Variants in TBC1D5 observed in about 807,000 individuals in gnomAD.
TBC1D5 encodes the protein TBC1 domain family, member 5.
In TBC1D5, 75 loss-of-function variants were observed where a neutral mutation model predicts 100.3. The observed-to-expected ratio is 0.75, with a 90% CI of 0.62 to 0.91. TBC1D5 has a LOEUF of 0.91. Among genes scored for constraint, TBC1D5 ranks in the 40% least tolerant of loss-of-function variants. The pLI is 0.00. For missense variants in TBC1D5, 910 were observed against 942.4 expected, an observed-to-expected ratio of 0.97 and a Z score of 0.45; for synonymous variants, 323 against 325.6, an observed-to-expected ratio of 0.99 and a Z score of 0.09.
At chr3:17,239,297 C>T (rs981971388) in intron 16 of TBC1D5, among the ~76,000 whole-genome samples, 1 of 152,134 alleles carries the variant, frequency 6.6e-6, no homozygotes, top group Non-Finnish European at 1.5e-5. Flanking sequence ...TGCTTTGAAT[C>T]CCATTTCCTC....
intron 8 of TBC1D5, among the ~76,000 whole-genome samples, chr3:17,393,118 G>C (rs899924333): frequency 6.7e-6 from 1 of 149,152 alleles, no homozygotes; most frequent in Non-Finnish European, 1.5e-5. Context: ...TGATGATGAG[G>C]TTTTTTTTTT....
At chr3:17,679,147 A>G (rs1221358761) in intron 1 of TBC1D5, among the ~76,000 whole-genome samples, 1 of 151,096 alleles carries the variant, frequency 6.6e-6, no homozygotes, top group African/African-American at 2.5e-5. Context: ...ATCTCTGAGG[A>G]GATTGCTAAA....
chr3:17,648,282 G>T (rs1433097121), intron 1 of TBC1D5, among the ~76,000 whole-genome samples: 1 of 152,072 alleles, frequency 6.6e-6, no homozygotes, highest in African/African-American at 2.4e-5. Context: ...ATATATAGAT[G>T]ATTGAAACTG....
At chr3:17,616,834 CTT>C (rs1444825168) in intron 2 of TBC1D5, among the ~76,000 whole-genome samples, 4 of 152,142 alleles carry the variant, frequency 2.6e-5, no homozygotes, top group Non-Finnish European at 5.9e-5. Context: ...GGTCTTGACT[CTT>C]TATCCAATTT....
rs562614431 is a variant in TBC1D5, at chr3:17,601,319, T to C, written c.-36+22530A>G. Among the ~76,000 whole-genome samples the C allele has an allele frequency of 2.3e-4, 35 of 152,308 alleles. No homozygotes were observed. The South Asian group carries it at 3.7e-3, about 16-fold the overall frequency. ...TGAGGTCGGGAGTTCATGACCAGCC[T>C]GACCAACATGGGGAAACCCCGTCTC... On this transcript the variant is annotated intron_variant, in intron 2 of 21. Transcript: ENST00000253692.
intron 2 of TBC1D5, among the ~76,000 whole-genome samples, chr3:17,568,481 T>A (rs2096606740): frequency 6.6e-6 from 1 of 151,478 alleles, no homozygotes; most frequent in Admixed American, 6.6e-5. Context: ...CTAATTTTTA[T>A]AATTTCACAG....
intron 14 of TBC1D5, among the ~76,000 whole-genome samples, chr3:17,300,716 A>G (rs925298325): frequency 2.6e-5 from 4 of 152,230 alleles, no homozygotes; most frequent in African/African-American, 9.6e-5. Flanking sequence ...TTTTCCATTT[A>G]TGGTGTTCAA....
intron 3 of TBC1D5, among the ~76,000 whole-genome samples, chr3:17,441,251 T>C (rs1372512196): frequency 6.6e-6 from 1 of 152,188 alleles, no homozygotes; most frequent in East Asian, 1.9e-4. Flanking sequence ...CTAGAAGTAT[T>C]ATAGTGAACT....
intron 2 of TBC1D5, among the ~76,000 whole-genome samples, chr3:17,538,796 T>G (rs1308815510): frequency 6.6e-6 from 1 of 152,186 alleles, no homozygotes; most frequent in East Asian, 1.9e-4. Context: ...CCCAGTATCT[T>G]GGGAGGCTAA....
At chr3:17,418,639 T>C (rs751721467) in intron 4 of TBC1D5, among the ~76,000 whole-genome samples, 4 of 152,110 alleles carry the variant, frequency 2.6e-5, no homozygotes, top group Admixed American at 6.6e-5. Context: ...ATTTTTAAAC[T>C]TTAGTACTAT....
At chr3:17,418,928 C>T (rs2094146581) in intron 4 of TBC1D5, among the ~76,000 whole-genome samples, 1 of 152,204 alleles carries the variant, frequency 6.6e-6, no homozygotes, top group African/African-American at 2.4e-5. Context: ...CTACAGTATT[C>T]TAAGGATGTC....
At chr3:17,251,436 C>G (rs79465466) in intron 16 of TBC1D5, among the ~76,000 whole-genome samples, 15 of 143,922 alleles carry the variant, frequency 1.0e-4, no homozygotes, top group East Asian at 2.1e-4. Context: ...CCCCCCCCCC[C>G]CCAGTAGAAG....
chr3:17,177,696 G>C (rs1352233549), intron 19 of TBC1D5, among the ~76,000 whole-genome samples: 1 of 152,124 alleles, frequency 6.6e-6, no homozygotes, highest in Non-Finnish European at 1.5e-5. Context: ...CCCACCATCA[G>C]ACCTACTGCA....
At chr3:17,537,791 G>T (rs2096298114) in intron 2 of TBC1D5, among the ~76,000 whole-genome samples, 1 of 151,958 alleles carries the variant, frequency 6.6e-6, no homozygotes. Context: ...ACCACATTTT[G>T]TCTATCCATC....
chr3:17,271,622 C>T (rs1476041111), intron 15 of TBC1D5, among the ~76,000 whole-genome samples: 2 of 152,176 alleles, frequency 1.3e-5, no homozygotes, highest in Non-Finnish European at 2.9e-5. Flanking sequence ...ACTGCTTTGG[C>T]TAGGACTTCC....
At chr3:17,394,455 T>C (rs1166616391) in intron 8 of TBC1D5, among the ~76,000 whole-genome samples, 1 of 152,084 alleles carries the variant, frequency 6.6e-6, no homozygotes, top group African/African-American at 2.4e-5. Flanking sequence ...GCTTCAACTT[T>C]TCACCTTTGC....
chr3:17,534,743 T>C (rs1012342482), intron 2 of TBC1D5, among the ~76,000 whole-genome samples: 7 of 152,342 alleles, frequency 4.6e-5, no homozygotes, highest in South Asian at 2.1e-4. Flanking sequence ...GAATCAGATA[T>C]GATCTAAGTT....
intron 18 of TBC1D5, among the ~76,000 whole-genome samples, chr3:17,202,467 A>C (rs1343715097): frequency 6.6e-6 from 1 of 152,240 alleles, no homozygotes; most frequent in Non-Finnish European, 1.5e-5. Context: ...GGAGGGATTC[A>C]AGCTGGCTGC....
intron 20 of TBC1D5, 92 bp from the exon 22 acceptor site, chr3:17,167,020 G>T: frequency 3.4e-6 from 4 of 1,159,544 alleles, no homozygotes; most frequent in Non-Finnish European, 4.7e-6. Context: ...AACTAGCCTT[G>T]TCATCAATCA....
Sources: gnomAD v4.1 joint callset for allele counts (sites outside exome capture counted in the v4.1 genomes callset) on GRCh38, gnomAD v4.1.1 for gene constraint, MANE v1.5 for transcripts, NCBI Gene and HGNC (gene_info 2026-07-23, HGNC 2026-07-21) for gene names.